CDYL: variants seen among roughly 807,000 people sequenced by gnomAD.
The protein encoded by CDYL is chromodomain Y-like protein.
In CDYL, 8 loss-of-function variants were observed where a neutral mutation model predicts 47.3. The observed-to-expected ratio is 0.17, with a 90% CI of 0.10 to 0.31. CDYL has a LOEUF of 0.31. Among genes scored for constraint, CDYL ranks in the 10% least tolerant of loss-of-function variants. CDYL has a pLI of 1.00. For synonymous variants in CDYL, 266 were observed against 265.0 expected (o/e 1.00, Z -0.04); for missense variants, 471 against 701.4 (o/e 0.67, Z 3.71).
rs572602019 is a variant in CDYL at position 4,814,770 on chromosome 6, G to A, written c.24+37963G>A. On this transcript the variant is annotated intron_variant, in intron 1 of 6. Coordinates refer to ENST00000397588, the MANE Select transcript of CDYL (RefSeq NM_004824.4). ...ACTCCTTGCCTCAAATGATCTGCCC[G>A]CCTCAGCCTCCCAAAGTGCTGGAAT... 4.8e-4 allele frequency among the ~76,000 whole-genome samples: 73 copies of A among 152,236 alleles called. No homozygotes were observed. The Middle Eastern group carries it at 0.014, about 28-fold the overall frequency.
chr6:4,893,709 A>G (rs1043134726), intron 2 of CDYL, among the ~76,000 whole-genome samples: 20 of 152,092 alleles, frequency 1.3e-4, no homozygotes, highest in South Asian at 1.0e-3. Flanking sequence ...AAAAAAAAAA[A>G]AGAGACTCCG....
At chr6:4,782,798 C>T (rs532790069) in intron 1 of CDYL, among the ~76,000 whole-genome samples, 1 of 152,138 alleles carries the variant, frequency 6.6e-6, no homozygotes, top group Non-Finnish European at 1.5e-5. Context: ...TGTGGCTGCC[C>T]TCCACGGACC....
intron 1 of CDYL, among the ~76,000 whole-genome samples, chr6:4,885,286 G>A (rs544284803): frequency 1.3e-5 from 2 of 152,154 alleles, no homozygotes; most frequent in Non-Finnish European, 2.9e-5. Flanking sequence ...GAGCTACTGT[G>A]CCCAGCCAAT....
intron 1 of CDYL, among the ~76,000 whole-genome samples, chr6:4,845,273 C>T (rs533377840): frequency 6.6e-6 from 1 of 152,234 alleles, no homozygotes; most frequent in South Asian, 2.1e-4. Context: ...AAAAGGTAAC[C>T]CAATCTTAGA....
At chr6:4,804,564 G>A (rs565419640) in intron 1 of CDYL, among the ~76,000 whole-genome samples, 9 of 152,296 alleles carry the variant, frequency 5.9e-5, no homozygotes, top group Admixed American at 2.6e-4. Context: ...AGTAGGAAAC[G>A]ATGGCCTTGG....
intron 1 of CDYL, among the ~76,000 whole-genome samples, chr6:4,883,039 C>G (rs1306224298): frequency 6.6e-6 from 1 of 152,176 alleles, no homozygotes; most frequent in East Asian, 1.9e-4. Context: ...AGGACATAAT[C>G]AATCTGTGTA....
intron 2 of CDYL, among the ~76,000 whole-genome samples, chr6:4,720,956 TAAATA>T (rs1757358196): frequency 6.6e-6 from 1 of 152,200 alleles, no homozygotes; most frequent in African/African-American, 2.4e-5. Flanking sequence ...TACCACAGCA[TAAATA>T]AAGATTTTTT....
chr6:4,919,094 T>C (rs1010863042), intron 2 of CDYL, among the ~76,000 whole-genome samples: 3 of 152,198 alleles, frequency 2.0e-5, no homozygotes, highest in African/African-American at 7.2e-5. Context: ...TAGAGTGTTT[T>C]GTTCCAGAAG....
chr6:4,762,130 G>T (rs756850124), intron 3 of CDYL, among the ~76,000 whole-genome samples: 17 of 152,152 alleles, frequency 1.1e-4, no homozygotes, highest in Admixed American at 5.9e-4. Flanking sequence ...TTCCATCAAG[G>T]GATGGGAGTC....
intron 5 of CDYL, among the ~76,000 whole-genome samples, chr6:4,945,880 C>A (rs1480354371): frequency 1.3e-5 from 2 of 152,244 alleles, no homozygotes; most frequent in South Asian, 2.1e-4. Flanking sequence ...CCCTGAGGCA[C>A]CCCATGCTGG....
At chr6:4,724,419 G>A (rs1757448631) in intron 2 of CDYL, 2 of 152,196 alleles carry the variant, frequency 1.3e-5, no homozygotes, top group African/African-American at 2.4e-5. Flanking sequence ...ACCTTGATGG[G>A]TTTATGCTGC....
chr6:4,911,688 A>G (rs1757419888), intron 2 of CDYL, among the ~76,000 whole-genome samples: 1 of 152,186 alleles, frequency 6.6e-6, no homozygotes, highest in African/African-American at 2.4e-5. Flanking sequence ...TTAGAAAAGA[A>G]TCTATAATTT....
At chr6:4,725,773 G>A (rs906737006) in intron 2 of CDYL, among the ~76,000 whole-genome samples, 1 of 152,254 alleles carries the variant, frequency 6.6e-6, no homozygotes, top group Non-Finnish European at 1.5e-5. Flanking sequence ...GGCGGGCTGA[G>A]GGGCTCAAGC....
At chr6:4,714,472 A>T (rs1757217006) in intron 1 of CDYL, 1 of 152,194 alleles carries the variant, frequency 6.6e-6, no homozygotes, top group African/African-American at 2.4e-5. Context: ...TGCTCAGTGC[A>T]ATGCCTGGTA....
In CDYL at chr6:4,902,466, A is replaced by G. The variant is rs531913067; in HGVS notation, c.691+10087A>G. 4.6e-5 allele frequency among the ~76,000 whole-genome samples: 7 copies of G among 152,052 alleles called. No homozygotes were observed. In the East Asian group the frequency reaches 9.7e-4, roughly 21 times the overall value. ...GCCTGGACAATCATACTTTGAATTA[A>G]TGTCATGTTCCAGCGTTTGGGTGGC... On this transcript the variant is annotated intron_variant, in intron 2 of 6. Transcript: ENST00000397588.
intron 2 of CDYL, among the ~76,000 whole-genome samples, chr6:4,922,634 C>T (rs1011563129): frequency 2.0e-5 from 3 of 152,194 alleles, no homozygotes; most frequent in Non-Finnish European, 2.9e-5. Context: ...GATCCTGAGC[C>T]GCCTGCTTCC....
At chr6:4,791,975 T>C (rs1157726840) in intron 1 of CDYL, among the ~76,000 whole-genome samples, 22 of 150,312 alleles carry the variant, frequency 1.5e-4, no homozygotes, top group Admixed American at 2.0e-4. Flanking sequence ...CTCCACCTCC[T>C]GGGTTCACGC....
intron 3 of CDYL, among the ~76,000 whole-genome samples, chr6:4,737,582 G>A (rs1005093370): frequency 1.3e-5 from 2 of 151,858 alleles, no homozygotes; most frequent in African/African-American, 4.8e-5. Context: ...GGGAGGTGGA[G>A]GTTGCAGTGA....
At chr6:4,720,653 A>G (rs529408606) in intron 2 of CDYL, among the ~76,000 whole-genome samples, 1 of 152,204 alleles carries the variant, frequency 6.6e-6, no homozygotes, top group Non-Finnish European at 1.5e-5. Context: ...AACTTGTCCA[A>G]CTCCTAGAAG....
Sources: gnomAD v4.1 joint callset for allele counts (sites outside exome capture counted in the v4.1 genomes callset) on GRCh38, gnomAD v4.1.1 for gene constraint, MANE v1.5 for transcripts, NCBI Gene and HGNC (gene_info 2026-07-23, HGNC 2026-07-21) for gene names.